CCDC178: variants seen among roughly 807,000 people sequenced by gnomAD.
CCDC178 encodes the protein coiled-coil domain-containing protein 178.
In CCDC178, 126 loss-of-function variants were observed where a neutral mutation model predicts 117.4. That is an observed-to-expected ratio of 1.07 (90% confidence interval 0.93 to 1.24). CCDC178 has a LOEUF of 1.24. Ranked by LOEUF, CCDC178 falls within the 50% of genes most tolerant of loss-of-function variation. CCDC178 has a pLI of 0.00. For synonymous variants in CCDC178, 283 were observed against 313.4 expected (o/e 0.90, Z 1.02); for missense variants, 1,030 against 986.9 (o/e 1.04, Z -0.59).
intron 10 of CCDC178, among the ~76,000 whole-genome samples, chr18:33,329,912 T>TGC (rs891098120): frequency 2.3e-5 from 3 of 132,902 alleles, no homozygotes; most frequent in East Asian, 2.2e-4. Flanking sequence ...TGTGTGTGTG[T>TGC]GTGGTATAAT....
At chr18:33,123,402 A>AATATATAT (rs1008939020) in intron 20 of CCDC178, among the ~76,000 whole-genome samples, 5 of 152,150 alleles carry the variant, frequency 3.3e-5, no homozygotes, top group African/African-American at 1.2e-4. Flanking sequence ...GCTTCCTTCA[A>AATATATAT]ATATACAAAT....
At chr18:33,366,208 T>A (rs1208511400) in intron 6 of CCDC178, among the ~76,000 whole-genome samples, 1 of 152,104 alleles carries the variant, frequency 6.6e-6, no homozygotes, top group East Asian at 1.9e-4. Flanking sequence ...CTCATGCCTG[T>A]AATCCTAACC....
At chr18:33,129,195 T>A (rs2058042974) in intron 20 of CCDC178, among the ~76,000 whole-genome samples, 1 of 152,154 alleles carries the variant, frequency 6.6e-6, no homozygotes, top group Non-Finnish European at 1.5e-5. Flanking sequence ...GGTCCTTAAC[T>A]GCTCATTTAA....
At chr18:33,429,647 A>G (rs953502236) in intron 2 of CCDC178, among the ~76,000 whole-genome samples, 10 of 152,312 alleles carry the variant, frequency 6.6e-5, no homozygotes, top group Middle Eastern at 3.4e-3. Flanking sequence ...AGCATGAAAT[A>G]AAAAGAACCT....
intron 1 of CCDC178, chr18:33,440,324 T>TGGGGGACTG (rs2064364625): frequency 4.2e-4 from 1 of 2,360 alleles, no homozygotes; most frequent in East Asian, 0.01. Flanking sequence ...ACTGGGGGAC[T>TGGGGGACTG]GGGGGACTGG....
At chr18:33,340,704 G>A (rs1183965056) in intron 9 of CCDC178, among the ~76,000 whole-genome samples, 1 of 152,190 alleles carries the variant, frequency 6.6e-6, no homozygotes, top group Non-Finnish European at 1.5e-5. Flanking sequence ...TCAGAGGGTG[G>A]AAGCCCCAAG....
At chr18:33,302,831 A>G (rs904593097) in intron 11 of CCDC178, among the ~76,000 whole-genome samples, 3 of 152,196 alleles carry the variant, frequency 2.0e-5, no homozygotes, top group African/African-American at 7.2e-5. Context: ...AGAAGTAAAA[A>G]TTGAAACAGA....
intron 11 of CCDC178, among the ~76,000 whole-genome samples, chr18:33,304,745 T>C (rs2062225505): frequency 6.6e-6 from 1 of 152,124 alleles, no homozygotes; most frequent in Non-Finnish European, 1.5e-5. Context: ...CAAAAAGACC[T>C]CAAGCTTTAT....
rs535134712 is a variant in CCDC178 at position 33,337,204 on chromosome 18, G to C, written c.659-3810C>G. 1.5e-4 allele frequency among the ~76,000 whole-genome samples: 23 copies of C among 151,122 alleles called. No homozygotes were observed. The East Asian group carries it at 4.1e-3, about 27-fold the overall frequency. On this transcript the variant is annotated intron_variant, in intron 9 of 22. Coordinates refer to ENST00000383096, the MANE Select transcript of CCDC178 (RefSeq NM_001105528.4). ...TAATTTCTCAGTTTGGATGCTGTTGGTGTAGACCAGAGCTATTGATTTGTG... is the reference window on the plus strand; with the variant it reads ...TAATTTCTCAGTTTGGATGCTGTTGCTGTAGACCAGAGCTATTGATTTGTG...
At chr18:33,415,698 T>TA (rs993256676) in intron 2 of CCDC178, among the ~76,000 whole-genome samples, 4 of 151,660 alleles carry the variant, frequency 2.6e-5, no homozygotes, top group Admixed American at 2.0e-4. Flanking sequence ...AAGTATAGTT[T>TA]AAAAAAAACA....
chr18:33,373,565 T>C (rs2063328270), intron 5 of CCDC178, among the ~76,000 whole-genome samples: 1 of 152,178 alleles, frequency 6.6e-6, no homozygotes, highest in Admixed American at 6.6e-5. Context: ...AGATCCATCT[T>C]ACAAGGTTCC....
At chr18:33,398,838 G>A (rs1287119184) in intron 3 of CCDC178, among the ~76,000 whole-genome samples, 1 of 150,896 alleles carries the variant, frequency 6.6e-6, no homozygotes, top group Non-Finnish European at 1.5e-5. Context: ...AGTCTATTAA[G>A]TGTGTGATAA....
intron 20 of CCDC178, among the ~76,000 whole-genome samples, chr18:33,127,089 A>G (rs2058016274): frequency 6.6e-6 from 1 of 151,288 alleles, no homozygotes; most frequent in African/African-American, 2.4e-5. Context: ...TATATTTAAT[A>G]TGTGTATATG....
intron 18 of CCDC178, among the ~76,000 whole-genome samples, chr18:33,216,246 G>T (rs1231771581): frequency 6.6e-6 from 1 of 152,040 alleles, no homozygotes; most frequent in East Asian, 1.9e-4. Context: ...ATTTCAAGAT[G>T]CAAACATGTC....
At chr18:33,310,030 G>A (rs569394089) in intron 11 of CCDC178, among the ~76,000 whole-genome samples, 11 of 150,124 alleles carry the variant, frequency 7.3e-5, no homozygotes, top group Non-Finnish European at 1.3e-4. Flanking sequence ...GTGCAGTGGC[G>A]CCATCTTGGC....
At chr18:33,194,179 C>G (rs1052671372) in intron 20 of CCDC178, among the ~76,000 whole-genome samples, 2 of 151,760 alleles carry the variant, frequency 1.3e-5, no homozygotes, top group Non-Finnish European at 2.9e-5. Flanking sequence ...TAGGAGCTAA[C>G]GTTTATTGTG....
At position 33,397,175 on chromosome 18, in the gene CCDC178, T is replaced by C. The variant is rs775691230; in HGVS notation, c.92A>G (p.Glu31Gly). 6.8e-6 allele frequency: 11 copies of C among 1,607,106 alleles called. No homozygotes were observed. The East Asian group carries it at 2.0e-4, about 29-fold the overall frequency. ...TTCATTTGTCCTTGACCATGCCTTC[T>C]CTCTGAGAGCCTTTACTTCCTGACA... ...LTCQEVKALR[E>G]KAWSRTNEGN... Residue 31 changes from glutamate (E) to glycine (G), a missense_variant, in exon 4 of 23, where the codon GAG (glutamate) becomes GGG (glycine). By Grantham distance (98) the Glu-to-Gly change is moderately conservative. Transcript: ENST00000383096.
In CCDC178 at chr18:33,256,159, CTA is replaced by C. The variant is rs200928565; in HGVS notation, c.1410-10733_1410-10732del. Reference sequence around the variant, plus strand: ...CTAATAATCTAGCAAATATTGCTAACTATGTGTAATTTTTAATAACAGTAAAA... The same window carrying C: ...CTAATAATCTAGCAAATATTGCTAACTGTGTAATTTTTAATAACAGTAAAA... On this transcript the variant is annotated intron_variant, in intron 14 of 22. Coordinates refer to ENST00000383096, the MANE Select transcript of CCDC178 (RefSeq NM_001105528.4). Among the ~76,000 whole-genome samples, 1,213 of 152,030 alleles carry C rather than the reference CTA, an allele frequency of 8.0e-3. 12 individuals carry two copies. Among genetic ancestry groups the C allele is most frequent in the African/African-American group, 0.027 (1,116 of 41,502 alleles).
chr18:33,362,580 T>A (rs996524907), intron 6 of CCDC178, among the ~76,000 whole-genome samples: 13 of 151,936 alleles, frequency 8.6e-5, no homozygotes, highest in Admixed American at 8.5e-4. Context: ...GATGTCACTA[T>A]GTGAAATATA....
Sources: gnomAD v4.1 joint callset for allele counts (sites outside exome capture counted in the v4.1 genomes callset) on GRCh38, gnomAD v4.1.1 for gene constraint, MANE v1.5 for transcripts, NCBI Gene and HGNC (gene_info 2026-07-23, HGNC 2026-07-21) for gene names.